The following GJB7 variants were observed in gnomAD, a reference collection of about 807,000 sequenced individuals.
GJB7 encodes the protein gap junction beta-7 protein.
For synonymous variants in GJB7, 87 were observed against 95.2 expected, an observed-to-expected ratio of 0.91 and a Z score of 0.50; for missense variants, 253 against 256.8, an observed-to-expected ratio of 0.99 and a Z score of 0.10.
chr6:87,301,275 C>A (rs1038732580), intron 2 of GJB7, among the ~76,000 whole-genome samples: 1 of 152,170 alleles, frequency 6.6e-6, no homozygotes, highest in African/African-American at 2.4e-5. Context: ...AATTCCCTTT[C>A]CTAGCCAAGG....
intron 2 of GJB7, among the ~76,000 whole-genome samples, chr6:87,302,630 C>T (rs1776351343): frequency 6.6e-6 from 1 of 152,104 alleles, no homozygotes; most frequent in Non-Finnish European, 1.5e-5. Context: ...GAGAACTTCC[C>T]CAACCTAGCA....
intron 2 of GJB7, among the ~76,000 whole-genome samples, chr6:87,301,528 C>T (rs187835119): frequency 4.6e-5 from 7 of 152,200 alleles, no homozygotes; most frequent in Admixed American, 2.6e-4. Flanking sequence ...ACAAAGTGGC[C>T]GGGAAGCTCT....
At chr6:87,291,738 A>G (rs531916589) in intron 2 of GJB7, among the ~76,000 whole-genome samples, 34 of 152,358 alleles carry the variant, frequency 2.2e-4, no homozygotes, top group Admixed American at 3.9e-4. Flanking sequence ...GAGGTTTGCA[A>G]TAATTTGGAT....
rs397841661 is a variant in GJB7, at chr6:87,283,836, CTT to C, written c.*403_*404del. 0.016 allele frequency: 1,834 copies of C among 112,240 alleles called. 31 individuals are homozygous for C. The highest frequency in any genetic ancestry group is 0.023 in the Non-Finnish European group (1,302 of 55,712). 7.0% of individuals were successfully genotyped at this position (112,240 alleles called of 1,614,324 possible). A position where few individuals can be genotyped will look rare whatever the true frequency, so the allele number is the denominator to read the frequency against. On this transcript the variant is annotated 3_prime_UTR_variant, in exon 3 of 3. Coordinates refer to ENST00000525899, the MANE Select transcript of GJB7 (RefSeq NM_198568.3). ...AAAACAGAAAACTGACACAGGGTTTCTTTTTTTTTTTTTTTCCCTGAAAAATC... is the reference window on the plus strand; with the variant it reads ...AAAACAGAAAACTGACACAGGGTTTCTTTTTTTTTTTTTCCCTGAAAAATC...
rs116724056 is a variant in GJB7, at chr6:87,329,123, C to T, written c.-206+15G>A. On this transcript the variant is annotated intron_variant, in intron 1 of 2. Coordinates refer to ENST00000525899, the MANE Select transcript of GJB7 (RefSeq NM_198568.3). ...GCCCTGCTTCGGCTCTCACATGGTGCGCGCACCCACTTACCTGCGCCCAGT... is the reference window on the plus strand; with the variant it reads ...GCCCTGCTTCGGCTCTCACATGGTGTGCGCACCCACTTACCTGCGCCCAGT... 2.6e-3 allele frequency: 407 copies of T among 154,760 alleles called. No homozygotes were observed. Among genetic ancestry groups the T allele is most frequent in the African/African-American group, 8.4e-3 (348 of 41,604 alleles). The allele number at this position is 154,760 out of a possible 1,614,324, so 9.6% of individuals were successfully genotyped here.
intron 2 of GJB7, among the ~76,000 whole-genome samples, chr6:87,298,175 A>C (rs1433830790): frequency 6.6e-6 from 1 of 152,218 alleles, no homozygotes; most frequent in Admixed American, 6.5e-5. Context: ...TATAACTAAA[A>C]AACAAAACAA....
At chr6:87,316,250 G>T (rs1265509466) in intron 2 of GJB7, among the ~76,000 whole-genome samples, 1 of 152,104 alleles carries the variant, frequency 6.6e-6, no homozygotes, top group Admixed American at 6.5e-5. Context: ...AATGGGTGGG[G>T]GTAGAAGTTG....
At chr6:87,286,387 T>C (rs2127896335) in intron 2 of GJB7, among the ~76,000 whole-genome samples, 1 of 152,328 alleles carries the variant, frequency 6.6e-6, no homozygotes, top group Middle Eastern at 3.4e-3. Flanking sequence ...CCCACAAAGT[T>C]CTTCAGATTC....
intron 2 of GJB7, chr6:87,322,566 C>G (rs749467908): frequency 6.6e-6 from 1 of 152,262 alleles, no homozygotes; most frequent in Non-Finnish European, 1.5e-5. Flanking sequence ...GCCGCTCTCT[C>G]TAGCAGGCGG....
intron 2 of GJB7, among the ~76,000 whole-genome samples, chr6:87,286,790 G>T (rs1776068767): frequency 6.6e-6 from 1 of 152,090 alleles, no homozygotes; most frequent in Admixed American, 6.6e-5. Flanking sequence ...TTTTGTCTTT[G>T]TTTGCCTTAT....
intron 2 of GJB7, among the ~76,000 whole-genome samples, chr6:87,289,649 T>C (rs1776129916): frequency 6.6e-6 from 1 of 152,218 alleles, no homozygotes; most frequent in African/African-American, 2.4e-5. Flanking sequence ...TGCCTGACTT[T>C]CTGAACTTTT....
At chr6:87,302,913 G>A (rs540104194) in intron 2 of GJB7, among the ~76,000 whole-genome samples, 4 of 152,190 alleles carry the variant, frequency 2.6e-5, no homozygotes, top group African/African-American at 4.8e-5. Flanking sequence ...CCAGAATTTC[G>A]TGTCCAGCCA....
chr6:87,328,606 T>C (rs527819876), intron 1 of GJB7, among the ~76,000 whole-genome samples: 24 of 152,288 alleles, frequency 1.6e-4, no homozygotes, highest in East Asian at 1.5e-3. Flanking sequence ...GCAGTCTGCC[T>C]GTTCTCAGAT....
rs1416980450 is a variant in GJB7, at chr6:87,315,813, AAAAG to A, written c.-28+7049_-28+7052del. ...TCTATCTCAAAAAAAAAAAAAAAAAAAAAGAAAGAAAGAAAGAAACAGAATGGAG... is the reference window on the plus strand; with the variant it reads ...TCTATCTCAAAAAAAAAAAAAAAAAAAAAGAAAGAAAGAAACAGAATGGAG... On this transcript the variant is annotated intron_variant, in intron 2 of 2. Transcript: ENST00000525899. Among the ~76,000 whole-genome samples, 20 of 148,632 alleles carry A rather than the reference AAAAG, an allele frequency of 1.3e-4. No individual in the cohort carries two copies. In the South Asian group the frequency reaches 1.9e-3, roughly 14 times the overall value.
chr6:87,284,865 GTATT>G lies in GJB7; in HGVS notation c.44_47del (p.Lys15ThrfsTer66), dbSNP rs749153065. 12 of 1,613,838 alleles carry G rather than the reference GTATT, an allele frequency of 7.4e-6. No homozygotes were observed. Among genetic ancestry groups the G allele is most frequent in the Non-Finnish European group, 6.8e-6 (8 of 1,179,972 alleles). ...GCCAAATCCATCCAGTCCCAGTGGA[GTATT>G]TATTTACTCCACTCAGGAGATCTCT... On this transcript the variant is annotated frameshift_variant, in exon 3 of 3. Transcript: ENST00000525899. LOFTEE classifies it low-confidence loss of function (END_TRUNC).
intron 2 of GJB7, among the ~76,000 whole-genome samples, chr6:87,293,362 ATTAG>A (rs1776207330): frequency 1.3e-5 from 2 of 152,154 alleles, no homozygotes; most frequent in Admixed American, 1.3e-4. Flanking sequence ...AATTTATATT[ATTAG>A]TTATGTTACT....
chr6:87,295,422 G>T (rs988983259), intron 2 of GJB7, among the ~76,000 whole-genome samples: 2 of 152,172 alleles, frequency 1.3e-5, no homozygotes, highest in African/African-American at 4.8e-5. Flanking sequence ...AAGTGTTTTT[G>T]AGGTTTCCTG....
chr6:87,311,335 A>G (rs1776510465), intron 2 of GJB7, among the ~76,000 whole-genome samples: 1 of 152,228 alleles, frequency 6.6e-6, no homozygotes. Flanking sequence ...AATGTTCACA[A>G]CAGCACTATT....
chr6:87,306,851 AATG>A (rs1424311578), intron 2 of GJB7, among the ~76,000 whole-genome samples: 2 of 152,230 alleles, frequency 1.3e-5, no homozygotes, highest in Non-Finnish European at 2.9e-5. Flanking sequence ...AGCCATAAAA[AATG>A]ATGAGTTCAT....
Sources: allele counts gnomAD v4.1 joint callset (sites outside exome capture counted in the v4.1 genomes callset), GRCh38; gene constraint gnomAD v4.1.1; transcripts MANE v1.5; gene names NCBI Gene and HGNC (gene_info 2026-07-23, HGNC 2026-07-21).